ADARB2: variants seen among roughly 807,000 people sequenced by gnomAD.
ADARB2 encodes adenosine deaminase RNA specific B2 (inactive).
In ADARB2, 25 loss-of-function variants were observed where a neutral mutation model predicts 62.2. The ratio of observed to expected loss-of-function variants is 0.40; its 90% CI spans 0.29 to 0.56. The LOEUF (loss-of-function observed/expected upper bound fraction) is 0.56, where lower values mean the gene tolerates loss of function less well. Ranked by LOEUF, ADARB2 falls within the 20% of genes least tolerant of loss-of-function variation. ADARB2 has a pLI of 0.43. For missense variants in ADARB2, 1,071 were observed against 1,077.4 expected (o/e 0.99, Z 0.08); for synonymous variants, 572 against 500.8 (o/e 1.14, Z -1.90).
intron 1 of ADARB2, among the ~76,000 whole-genome samples, chr10:1,481,853 T>C (rs1217474048): frequency 3.5e-4 from 8 of 22,914 alleles, no homozygotes; most frequent in Admixed American, 1.7e-3. Context: ...TGAGACTCCA[T>C]CTCAAAAAAA....
chr10:1,435,318 G>A (rs992051728), intron 1 of ADARB2, among the ~76,000 whole-genome samples: 2 of 152,146 alleles, frequency 1.3e-5, no homozygotes, highest in African/African-American at 4.8e-5. Context: ...CTCAAGGGAG[G>A]GTGTGAAGCT....
At chr10:1,489,605 G>C (rs1342385720) in intron 1 of ADARB2, among the ~76,000 whole-genome samples, 2 of 152,154 alleles carry the variant, frequency 1.3e-5, no homozygotes, top group Non-Finnish European at 2.9e-5. Flanking sequence ...TAAACCACTG[G>C]GAAAACTATA....
chr10:1,191,557 C>T (rs1238051444), intron 8 of ADARB2, among the ~76,000 whole-genome samples: 3 of 152,274 alleles, frequency 2.0e-5, no homozygotes, highest in South Asian at 2.1e-4. Context: ...CTCCCTGAGC[C>T]GTCTGTAATG....
intron 1 of ADARB2, among the ~76,000 whole-genome samples, chr10:1,580,503 C>CTTT (rs11376658): frequency 0.17 from 25,115 of 144,658 alleles, 2,361 homozygotes; most frequent in Non-Finnish European, 0.21. Flanking sequence ...TGTCTTAAGG[C>CTTT]TTTTTTTTTT....
At chr10:1,311,580 G>A (rs573768431) in intron 3 of ADARB2, among the ~76,000 whole-genome samples, 40 of 152,252 alleles carry the variant, frequency 2.6e-4, no homozygotes, top group African/African-American at 6.5e-4. Context: ...TGGCCAAGGC[G>A]CCTAGAGTGT....
At chr10:1,399,175 A>G (rs931687351) in intron 1 of ADARB2, among the ~76,000 whole-genome samples, 1 of 152,214 alleles carries the variant, frequency 6.6e-6, no homozygotes, top group Non-Finnish European at 1.5e-5. Context: ...ACAGGGGCCA[A>G]TGGCAGTCAG....
intron 1 of ADARB2, among the ~76,000 whole-genome samples, chr10:1,564,283 G>A (rs28800310): frequency 0.37 from 56,105 of 152,016 alleles, 10,598 homozygotes; most frequent in South Asian, 0.42. Flanking sequence ...CACATCCAAC[G>A]TTAGACCTAA....
chr10:1,666,007 G>T lies in ADARB2; in HGVS notation c.100+71044C>A. On this transcript the variant is annotated intron_variant, in intron 1 of 9. Coordinates refer to ENST00000381312, the MANE Select transcript of ADARB2 (RefSeq NM_018702.4). ...ACAGAGTGGCCTGCAGGGAGCTGGGGCCCAGCCACAGTCCTGCCAGGTGGA... is the reference window on the plus strand; with the variant it reads ...ACAGAGTGGCCTGCAGGGAGCTGGGTCCCAGCCACAGTCCTGCCAGGTGGA... 2.9e-5 allele frequency among the ~76,000 whole-genome samples: 4 copies of T among 138,828 alleles called. No individual in the cohort carries two copies. In the Middle Eastern group the frequency reaches 0.014, roughly 496 times the overall value. The allele number at this position is 138,828 out of a possible 152,430, so 91.1% of individuals were successfully genotyped here.
chr10:1,547,463 GGGGAGA>G, intron 1 of ADARB2, among the ~76,000 whole-genome samples: 1 of 112,448 alleles, frequency 8.9e-6, no homozygotes, highest in African/African-American at 3.5e-5. Flanking sequence ...ACTGTGTTGG[GGGGAGA>G]GGCTGCACTG....
intron 7 of ADARB2, among the ~76,000 whole-genome samples, chr10:1,206,821 G>T (rs572085548): frequency 3.3e-5 from 5 of 152,254 alleles, no homozygotes; most frequent in African/African-American, 1.2e-4. Context: ...TGGAGTTCCA[G>T]TTCTTACCTT....
chr10:1,498,884 C>A (rs1831726274), intron 1 of ADARB2, among the ~76,000 whole-genome samples: 1 of 152,008 alleles, frequency 6.6e-6, no homozygotes, highest in Admixed American at 6.5e-5. Flanking sequence ...AGTCATTACT[C>A]ATTCATCACT....
intron 1 of ADARB2, among the ~76,000 whole-genome samples, chr10:1,551,172 G>T (rs1832616164): frequency 6.6e-6 from 1 of 152,154 alleles, no homozygotes; most frequent in Admixed American, 6.5e-5. Context: ...AGGACCCTGT[G>T]AGGACACAGA....
At chr10:1,649,795 A>G (rs889266336) in intron 1 of ADARB2, among the ~76,000 whole-genome samples, 1 of 152,142 alleles carries the variant, frequency 6.6e-6, no homozygotes, top group African/African-American at 2.4e-5. Flanking sequence ...TATCATCAGT[A>G]AGAGTGCTGT....
At chr10:1,543,172 G>A (rs1235423921) in intron 1 of ADARB2, among the ~76,000 whole-genome samples, 2 of 152,204 alleles carry the variant, frequency 1.3e-5, no homozygotes, top group Admixed American at 1.3e-4. Context: ...GCAGGATGGC[G>A]GCGTTGAGAG....
At chr10:1,503,506 A>C (rs553653202) in intron 1 of ADARB2, among the ~76,000 whole-genome samples, 2 of 152,114 alleles carry the variant, frequency 1.3e-5, no homozygotes, top group South Asian at 4.2e-4. Flanking sequence ...CCCTTTTAGC[A>C]CCTGTGAGCC....
intron 1 of ADARB2, among the ~76,000 whole-genome samples, chr10:1,595,114 G>C (rs955464645): frequency 2.0e-5 from 3 of 152,242 alleles, no homozygotes; most frequent in Middle Eastern, 3.2e-3. Flanking sequence ...TACGGAAGCT[G>C]AGGCTTGGGA....
chr10:1,671,315 C>T (rs796733323), intron 1 of ADARB2, among the ~76,000 whole-genome samples: 23 of 152,310 alleles, frequency 1.5e-4, no homozygotes, highest in African/African-American at 5.1e-4. Flanking sequence ...CAGAGCACCT[C>T]ACCACGGTTG....
intron 3 of ADARB2, among the ~76,000 whole-genome samples, chr10:1,301,734 A>G (rs1174766150): frequency 6.6e-6 from 1 of 152,236 alleles, no homozygotes; most frequent in East Asian, 1.9e-4. Flanking sequence ...ATTTTGTGCT[A>G]ACACCTCTGG....
chr10:1,584,342 C>T (rs1588312064), intron 1 of ADARB2, among the ~76,000 whole-genome samples: 4 of 124,584 alleles, frequency 3.2e-5, no homozygotes, highest in Admixed American at 7.8e-5. Flanking sequence ...TATGAAAAGT[C>T]GCCCCGTATC....
Sources: gnomAD v4.1 joint callset for allele counts (sites outside exome capture counted in the v4.1 genomes callset) on GRCh38, gnomAD v4.1.1 for gene constraint, MANE v1.5 for transcripts, NCBI Gene and HGNC (gene_info 2026-07-23, HGNC 2026-07-21) for gene names.